Variants in NUP214 observed in about 807,000 individuals in gnomAD.
NUP214 encodes nucleoporin 214.
Under a neutral mutation model 196.2 loss-of-function variants are expected in NUP214, and 79 were observed. The ratio of observed to expected loss-of-function variants is 0.40; its 90% confidence interval spans 0.34 to 0.49. NUP214 has a LOEUF of 0.49. Ranked by LOEUF, NUP214 falls within the 20% of genes least tolerant of loss-of-function variation. The pLI is 0.58. For synonymous variants in NUP214, 1,020 were observed against 990.5 expected, an observed-to-expected ratio of 1.03 and a Z score of -0.56; for missense variants, 2,468 against 2,539.0, an observed-to-expected ratio of 0.97 and a Z score of 0.60.
At chr9:131,215,059 A>G (rs7847576) in intron 30 of NUP214, among the ~76,000 whole-genome samples, 153 bp from the exon 31 acceptor site, 7,093 of 152,276 alleles carry the variant, frequency 0.047, 248 homozygotes, top group African/African-American at 0.099. Context: ...TCCAGAGTCT[A>G]GCTTCTTTTG....
At chr9:131,129,162 G>T in intron 3 of NUP214, 117 bp from the exon 4 acceptor site, 1 of 848,032 alleles carries the variant, frequency 1.2e-6, no homozygotes. Flanking sequence ...TATGGTTATG[G>T]AGAAAAATAA....
intron 22 of NUP214, 43 bp from the exon 23 acceptor site, chr9:131,175,417 T>C: frequency 6.2e-7 from 1 of 1,607,338 alleles, no homozygotes; most frequent in Non-Finnish European, 8.5e-7. Context: ...TGTATTTTCC[T>C]GTTCTCTCAC....
chr9:131,142,885 A>G (rs550135132), intron 11 of NUP214, among the ~76,000 whole-genome samples: 20 of 152,374 alleles, frequency 1.3e-4, no homozygotes, highest in African/African-American at 4.6e-4. Context: ...CTAATTTGGA[A>G]CAACCAAGTC....
chr9:131,192,043 C>T lies in NUP214; in HGVS notation c.3575-165C>T. On this transcript the variant is annotated intron_variant, in intron 26 of 35. Transcript: ENST00000359428. ...TCAGAGACCTCAAACACAAGTGAGG[C>T]AACGTGCTCACTCCCCATGGCCACT... 6.3e-6 allele frequency: 3 copies of T among 476,242 alleles called. No individual in the cohort carries two copies. The East Asian group carries it at 9.9e-5, about 16-fold the overall frequency. The allele number at this position is 476,242 out of a possible 1,614,324, so 29.5% of individuals were successfully genotyped here. A position where few individuals can be genotyped will look rare whatever the true frequency, so the allele number is the denominator to read the frequency against.
At chr9:131,180,301 A>C (rs922573917) in intron 24 of NUP214, among the ~76,000 whole-genome samples, 1 of 152,368 alleles carries the variant, frequency 6.6e-6, no homozygotes, top group African/African-American at 2.4e-5. Flanking sequence ...ATTGAATAAT[A>C]GGTAAACTCT....
chr9:131,212,997 A>T (rs1416202194), intron 30 of NUP214, among the ~76,000 whole-genome samples: 1 of 150,974 alleles, frequency 6.6e-6, no homozygotes, highest in African/African-American at 2.5e-5. Context: ...ATAATTTTGT[A>T]GTTTTTAGAT....
rs1554728091 is a variant in NUP214, at chr9:131,130,161, T to TTTTTTTTG, written c.593-605_593-604insTTTTTTTG. 9.5e-5 allele frequency among the ~76,000 whole-genome samples: 13 copies of TTTTTTTTG among 136,486 alleles called. 1 individual carries two copies. The highest frequency in any genetic ancestry group is 1.8e-4 in the Non-Finnish European group (11 of 62,624). 89.5% of individuals were successfully genotyped at this position (136,486 alleles called of 152,430 possible). On this transcript the variant is annotated intron_variant, in intron 4 of 35. Transcript: ENST00000359428. ...TGTTTTTTTTTTTTTGTTTTTTTTT[T>TTTTTTTTG]GAGACAGAGTCTTGCTCTGTCGCCC...
At chr9:131,205,822 A>G (rs1298589901) in intron 30 of NUP214, among the ~76,000 whole-genome samples, 1 of 152,066 alleles carries the variant, frequency 6.6e-6, no homozygotes, top group African/African-American at 2.4e-5. Context: ...AGCTGGGATT[A>G]TAGGTGCCCA....
rs148107518 is a variant in NUP214, at chr9:131,197,870, C to G, written c.4376C>G (p.Thr1459Arg). The G allele has an allele frequency of 6.2e-7, 1 of 1,613,534 alleles. No individual in the cohort carries two copies. Among genetic ancestry groups the G allele is most frequent in the Non-Finnish European group, 8.5e-7 (1 of 1,180,038 alleles). Residue 1459 changes from threonine to arginine, a missense_variant, in exon 29 of 36, where the codon ACA becomes AGA. Thr to Arg is a moderately conservative substitution (Grantham distance 71). Transcript: ENST00000359428. ...TVPPSAPPPT[T>R]AATPLPTSFP... ...CCCCCATCTGCCCCACCACCAACTACAGCTGCCACTCCCCTTCCAACATCA... is the reference window on the plus strand; with the variant it reads ...CCCCCATCTGCCCCACCACCAACTAGAGCTGCCACTCCCCTTCCAACATCA...
intron 28 of NUP214, among the ~76,000 whole-genome samples, chr9:131,196,817 T>G (rs188649340): frequency 3.3e-5 from 5 of 152,322 alleles, no homozygotes; most frequent in Admixed American, 3.3e-4. Context: ...AACTTCCATT[T>G]TGAATCAAGT....
At chr9:131,228,537 C>A in intron 33 of NUP214, 1 of 475,096 alleles carries the variant, frequency 2.1e-6, no homozygotes, top group East Asian at 3.8e-5. Flanking sequence ...CATGGTGGAC[C>A]TCAGCTGTGT....
intron 30 of NUP214, among the ~76,000 whole-genome samples, chr9:131,213,841 A>G (rs77054839): frequency 0.047 from 7,119 of 151,968 alleles, 258 homozygotes; most frequent in African/African-American, 0.1. Context: ...TAAGTATGTT[A>G]CCCTAAGACA....
chr9:131,159,580 G>A (rs1832566115), intron 18 of NUP214, 94 bp downstream of exon 18: 10 of 1,078,170 alleles, frequency 9.3e-6, no homozygotes, highest in South Asian at 4.1e-5. Flanking sequence ...ATCCCAGGCC[G>A]GGTGCGGTGG....
Position 131,178,289 on chromosome 9 carries a change from CTCTCT to C in NUP214, c.3320-16_3320-12del. 6.4e-7 allele frequency: 1 copy of C among 1,569,234 alleles called. No homozygotes were observed. The highest frequency in any genetic ancestry group is 8.8e-7 in the Non-Finnish European group (1 of 1,139,592). On this transcript the variant is annotated splice_polypyrimidine_tract_variant and intron_variant, in intron 23 of 35. Coordinates refer to ENST00000359428, the MANE Select transcript of NUP214 (RefSeq NM_005085.4). ...CCTTTGCTGGAATTAATATGGTGTT[CTCTCT>C]TCTCTGTTTAAATTAGCTGTAAACA...
chr9:131,232,334 A>G lies in NUP214; in HGVS notation c.6239+26A>G. On this transcript the variant is annotated intron_variant, in intron 35 of 35. Coordinates refer to ENST00000359428, the MANE Select transcript of NUP214 (RefSeq NM_005085.4). The surrounding 1 kb of genome is among the most constrained non-coding windows in gnomAD (Gnocchi z 5.1). ...GTAAGTATCCCCCTTTTTGAGTCTC[A>G]CCTTAATTAAAAGCATTAAATAAGG... 1 of 1,607,328 alleles carries G rather than the reference A, an allele frequency of 6.2e-7. No homozygotes were observed. The highest frequency in any genetic ancestry group is 8.5e-7 in the Non-Finnish European group (1 of 1,173,850).
At chr9:131,153,545 C>T (rs1175346724) in intron 17 of NUP214, among the ~76,000 whole-genome samples, 2 of 152,100 alleles carry the variant, frequency 1.3e-5, no homozygotes, top group East Asian at 1.9e-4. Context: ...CATGTTGTTC[C>T]TATGTGCCTT....
intron 28 of NUP214, among the ~76,000 whole-genome samples, chr9:131,195,951 G>A (rs1385882024): frequency 7.2e-6 from 1 of 139,424 alleles, no homozygotes; most frequent in African/African-American, 2.7e-5. Flanking sequence ...CTTGAACCTG[G>A]GAGGCAAGGT....
At chr9:131,158,384 G>A (rs1307276513) in intron 17 of NUP214, among the ~76,000 whole-genome samples, 1 of 152,194 alleles carries the variant, frequency 6.6e-6, no homozygotes, top group Non-Finnish European at 1.5e-5. Flanking sequence ...CAGCCACCTG[G>A]CCTGTTTTTA....
chr9:131,127,001 C>G (rs1285054567), intron 1 of NUP214: 1 of 152,242 alleles, frequency 6.6e-6, no homozygotes, highest in East Asian at 1.9e-4. Flanking sequence ...CTCCCTTTGG[C>G]AGCACATATA....
Sources: gnomAD v4.1 joint callset for allele counts (sites outside exome capture counted in the v4.1 genomes callset) on GRCh38, gnomAD v4.1.1 for gene constraint, Gnocchi (gnomAD v3.1) non-coding constraint, MANE v1.5 for transcripts, NCBI Gene and HGNC (gene_info 2026-07-23, HGNC 2026-07-21) for gene names.